MYO16: variants seen among roughly 807,000 people sequenced by gnomAD.
The protein encoded by MYO16 is unconventional myosin-XVI.
In MYO16, 94 loss-of-function variants were observed where a neutral mutation model predicts 205.3. The ratio of observed to expected loss-of-function variants is 0.46; its 90% CI spans 0.39 to 0.54. The LOEUF (loss-of-function observed/expected upper bound fraction) is 0.54, where lower values mean the gene tolerates loss of function less well. Ranked by LOEUF, MYO16 falls within the 20% of genes least tolerant of loss-of-function variation. MYO16 has a pLI of 0.00. For missense variants in MYO16, 2,315 were observed against 2,387.5 expected (o/e 0.97, Z 0.63); for synonymous variants, 988 against 954.0 (o/e 1.04, Z -0.66).
chr13:109,099,958 G>A (rs553725992), intron 27 of MYO16, among the ~76,000 whole-genome samples: 5 of 152,170 alleles, frequency 3.3e-5, no homozygotes, highest in East Asian at 1.9e-4. Context: ...TTGGCATTGC[G>A]TTTCCTTCGG....
At chr13:108,696,384 A>T (rs2139507649) in intron 2 of MYO16, among the ~76,000 whole-genome samples, 1 of 152,338 alleles carries the variant, frequency 6.6e-6, no homozygotes, top group East Asian at 1.9e-4. Context: ...TACTTATATA[A>T]TGGAATCCTA....
chr13:109,006,391 C>G (rs757417604), intron 21 of MYO16, among the ~76,000 whole-genome samples: 8 of 152,066 alleles, frequency 5.3e-5, no homozygotes, highest in Non-Finnish European at 1.0e-4. Context: ...AGGCACCCAC[C>G]ACCACACCAG....
chr13:108,836,962 G>A (rs933384721), intron 9 of MYO16, among the ~76,000 whole-genome samples: 8 of 152,134 alleles, frequency 5.3e-5, no homozygotes, highest in African/African-American at 1.9e-4. Flanking sequence ...TTAAGACTTT[G>A]GGGGACTGTT....
Position 109,013,108 on chromosome 13 carries a change from T to TCCCCC in MYO16, c.2595+4060_2595+4064dup, listed in dbSNP as rs1177754621. 1.7e-3 allele frequency among the ~76,000 whole-genome samples: 57 copies of TCCCCC among 32,622 alleles called. 1 individual carries two copies. Among genetic ancestry groups the TCCCCC allele is most frequent in the African/African-American group, 5.4e-3 (50 of 9,276 alleles). 21.4% of individuals were successfully genotyped at this position (32,622 alleles called of 152,430 possible). On this transcript the variant is annotated intron_variant, in intron 22 of 34. Transcript: ENST00000457511. ...TAGGTATTTCTCCTAATGCTACCCC[T>TCCCCC]CCCCCACCCCCCCCCACCCCACCAC...
rs866747937 is a variant in MYO16, at chr13:108,659,524, A to C, written c.29-6362A>C. The stretch of plus-strand genomic sequence containing the variant: ...CCTGCCACCTCCCTTGCCCCCCTAA[A>C]AAAGTGTAACACTGGAGATAAGAAA... On this transcript the variant is annotated intron_variant, in intron 1 of 34. Coordinates refer to ENST00000457511, the MANE Select transcript of MYO16 (RefSeq NM_001198950.3). The C allele has an allele frequency of 2.7e-5, 5 of 186,918 alleles. No homozygotes were observed. In the Middle Eastern group the frequency reaches 2.0e-3, roughly 73 times the overall value. 11.6% of individuals were successfully genotyped at this position (186,918 alleles called of 1,614,324 possible). A position where few individuals can be genotyped will look rare whatever the true frequency, so the allele number is the denominator to read the frequency against.
At chr13:108,808,350 T>A (rs370409664) in intron 7 of MYO16, among the ~76,000 whole-genome samples, 1 of 151,952 alleles carries the variant, frequency 6.6e-6, no homozygotes, top group African/African-American at 2.4e-5. Context: ...TCTTTTTTTT[T>A]GCCCAGGCTA....
Position 108,957,676 on chromosome 13 carries a change from G to T in MYO16, c.1926-12G>T. The stretch of plus-strand genomic sequence containing the variant: ...GCCAGGCGATAACGTTACGTGCCTT[G>T]TCTCCTAACAGGTATTTGAACCAGA... On this transcript the variant is annotated splice_polypyrimidine_tract_variant and intron_variant, in intron 16 of 34. Coordinates refer to ENST00000457511, the MANE Select transcript of MYO16 (RefSeq NM_001198950.3). The T allele has an allele frequency of 6.3e-7, 1 of 1,584,860 alleles. No homozygotes were observed. Among genetic ancestry groups the T allele is most frequent in the Non-Finnish European group, 8.7e-7 (1 of 1,154,716 alleles).
chr13:108,826,005 A>C (rs1490357506), intron 9 of MYO16, among the ~76,000 whole-genome samples: 1 of 152,134 alleles, frequency 6.6e-6, no homozygotes, highest in African/African-American at 2.4e-5. Flanking sequence ...CATGGATTAG[A>C]AGACTTAATA....
chr13:108,976,896 T>A (rs1172306707), intron 20 of MYO16, among the ~76,000 whole-genome samples: 1 of 152,188 alleles, frequency 6.6e-6, no homozygotes, highest in Non-Finnish European at 1.5e-5. Context: ...TTGACATTTT[T>A]CAACTTTTGC....
chr13:109,148,304 C>T (rs1420428754), intron 32 of MYO16, among the ~76,000 whole-genome samples: 1 of 152,180 alleles, frequency 6.6e-6, no homozygotes, highest in Non-Finnish European at 1.5e-5. Context: ...TTTCTCACAA[C>T]TTGTAGCGCT....
chr13:108,839,245 T>C (rs1417649906), intron 9 of MYO16, among the ~76,000 whole-genome samples: 4 of 152,050 alleles, frequency 2.6e-5, no homozygotes, highest in Non-Finnish European at 5.9e-5. Flanking sequence ...AATCTATTAA[T>C]CCATGAATGG....
chr13:108,820,298 C>A (rs1361595419), intron 7 of MYO16, 39 bp from the exon 8 acceptor site: 1 of 1,449,122 alleles, frequency 6.9e-7, no homozygotes, highest in Non-Finnish European at 9.5e-7. Flanking sequence ...CTAGCTTCTG[C>A]CATGGTGGTT....
chr13:109,056,594 C>A (rs922852636), intron 27 of MYO16, among the ~76,000 whole-genome samples: 1 of 152,112 alleles, frequency 6.6e-6, no homozygotes, highest in South Asian at 2.1e-4. Context: ...TAAATGCATA[C>A]GCAAATAATG....
intron 4 of MYO16, among the ~76,000 whole-genome samples, chr13:108,762,464 A>G (rs1216027640): frequency 6.6e-5 from 10 of 152,178 alleles, no homozygotes; most frequent in Non-Finnish European, 1.2e-4. Context: ...CCCGCCAACA[A>G]GGTGTAAAGT....
At position 109,141,069 on chromosome 13, in the gene MYO16, G is replaced by C. The variant is rs575781981; in HGVS notation, c.4857G>C (p.Pro1619=). Residue 1619 remains proline, a synonymous_variant, in exon 32 of 35, where the codon CCG becomes CCC. Coordinates refer to ENST00000457511, the MANE Select transcript of MYO16 (RefSeq NM_001198950.3). The surrounding 1 kb of genome is among the most constrained non-coding windows in gnomAD (Gnocchi z 4.1). The part of the protein sequence containing the change: ...YRPCAHLAFP[P]EPAPVNAGKA... ...CCTGCGCGCACTTGGCCTTCCCGCC[G>C]GAGCCCGCCCCGGTGAACGCGGGGA... is the stretch of plus-strand genomic sequence containing the variant. 1.4e-6 allele frequency: 2 copies of C among 1,423,436 alleles called. No homozygotes were observed. Among genetic ancestry groups the C allele is most frequent in the Non-Finnish European group, 1.8e-6 (2 of 1,090,860 alleles). 88.2% of individuals were successfully genotyped at this position (1,423,436 alleles called of 1,614,324 possible). A position where few individuals can be genotyped will look rare whatever the true frequency, so the allele number is the denominator to read the frequency against.
At chr13:108,832,384 C>T (rs10161670) in intron 9 of MYO16, among the ~76,000 whole-genome samples, 2,924 of 151,932 alleles carry the variant, frequency 0.019, 89 homozygotes, top group African/African-American at 0.067. Context: ...TCAGGTGATC[C>T]ACCCGCCTCA....
chr13:108,544,449 C>T, the MYO16 span, among the ~76,000 whole-genome samples: 1 of 152,096 alleles, frequency 6.6e-6, no homozygotes, highest in Non-Finnish European at 1.5e-5. Flanking sequence ...AGATTTTGTT[C>T]AGGCATGCAG....
chr13:108,717,947 CTG>C (rs1378219263), intron 3 of MYO16, among the ~76,000 whole-genome samples: 1 of 152,150 alleles, frequency 6.6e-6, no homozygotes, highest in Non-Finnish European at 1.5e-5. Flanking sequence ...TTAGTTAAGA[CTG>C]TTTTTATTCA....
intron 6 of MYO16, among the ~76,000 whole-genome samples, chr13:108,805,529 C>T (rs139863936): frequency 1.3e-5 from 2 of 152,054 alleles, no homozygotes; most frequent in African/African-American, 4.8e-5. Context: ...TAGAAGATGG[C>T]ATTGATTTTA....
Sources: allele counts gnomAD v4.1 joint callset (sites outside exome capture counted in the v4.1 genomes callset), GRCh38; gene constraint gnomAD v4.1.1; non-coding constraint Gnocchi (gnomAD v3.1); transcripts MANE v1.5; gene names NCBI Gene and HGNC (gene_info 2026-07-23, HGNC 2026-07-21).